The following PAX7 variants were observed in gnomAD, a reference collection of about 807,000 sequenced individuals.
The protein encoded by PAX7 is paired box 7.
Under a neutral mutation model 50.7 loss-of-function variants are expected in PAX7, and 18 were observed. The observed-to-expected ratio is 0.36, with a 90% CI of 0.25 to 0.53. The LOEUF (loss-of-function observed/expected upper bound fraction) is 0.53, where lower values mean the gene tolerates loss of function less well. Among genes scored for constraint, PAX7 ranks in the 20% least tolerant of loss-of-function variants. The pLI is 0.93. For synonymous variants in PAX7, 310 were observed against 290.4 expected, an observed-to-expected ratio of 1.07 and a Z score of -0.69; for missense variants, 644 against 702.9, an observed-to-expected ratio of 0.92 and a Z score of 0.95.
intron 6 of PAX7, 38 bp from the exon 7 acceptor site, chr1:18,703,056 G>A (rs1323024521): frequency 5.7e-6 from 9 of 1,582,812 alleles, no homozygotes; most frequent in Non-Finnish European, 7.8e-6. Context: ...TCCAGGATGA[G>A]GCCACTTGCT....
At chr1:18,716,577 G>A (rs1021900434) in intron 7 of PAX7, among the ~76,000 whole-genome samples, 1 of 147,522 alleles carries the variant, frequency 6.8e-6, no homozygotes, top group Non-Finnish European at 1.5e-5. Context: ...CTCCCTTCGC[G>A]CCCCATTTCC....
chr1:18,717,059 C>A (rs1393432939), intron 7 of PAX7, among the ~76,000 whole-genome samples: 2 of 152,016 alleles, frequency 1.3e-5, no homozygotes, highest in Non-Finnish European at 2.9e-5. Context: ...CCGTCGCCGC[C>A]GCGCCTTTGA....
At chr1:18,713,616 A>G (rs1570213305) in intron 7 of PAX7, among the ~76,000 whole-genome samples, 1 of 152,344 alleles carries the variant, frequency 6.6e-6, no homozygotes, top group Non-Finnish European at 1.5e-5. Flanking sequence ...TATACTTTGG[A>G]GAGACAATAC....
chr1:18,675,803 C>T (rs968704430), intron 4 of PAX7, among the ~76,000 whole-genome samples: 1 of 152,098 alleles, frequency 6.6e-6, no homozygotes, highest in Non-Finnish European at 1.5e-5. Context: ...GCTCTAAGTT[C>T]GAGTCTCTCT....
At position 18,655,358 on chromosome 1, in the gene PAX7, A is replaced by C. The variant is rs114691790; in HGVS notation, c.586+18987A>C. Among the ~76,000 whole-genome samples the C allele has an allele frequency of 1.8e-3, 273 of 152,340 alleles. 3 individuals carry two copies. Among genetic ancestry groups the C allele is most frequent in the African/African-American group, 6.3e-3 (260 of 41,584 alleles). On this transcript the variant is annotated intron_variant, in intron 4 of 8. Transcript: ENST00000420770. ...GCAATCAATATGCAAACAAGTGCCA[A>C]ACTGGGTTTGAATCAAATTTCTCAT...
At chr1:18,644,389 T>C (rs2088306226) in intron 4 of PAX7, among the ~76,000 whole-genome samples, 2 of 151,906 alleles carry the variant, frequency 1.3e-5, no homozygotes, top group Non-Finnish European at 2.9e-5. Context: ...TTTCCTTCCA[T>C]GAAAAAAGAG....
rs775122989 is a variant in PAX7, at chr1:18,735,632, G to C, written c.1156G>C (p.Val386Leu). 6.2e-7 allele frequency: 1 copy of C among 1,610,844 alleles called. No individual in the cohort carries two copies. Residue 386 changes from valine to leucine, a missense_variant and splice_region_variant, in exon 8 of 9, where the codon GTG becomes CTG. Transcript: ENST00000420770. This position sits in a 1 kb window ranked among gnomAD's most constrained non-coding sequence, Gnocchi z 4.0. ...GGCACTAATGGCCTTTTCCCCACAG[G>C]TGATGAGCATCTTGGGCAACCCCAG... Reference protein sequence around the residue: ...NPVSNGLSPQVMSILGNPSAV... With the variant: ...NPVSNGLSPQLMSILGNPSAV...
rs905671463 is a variant in PAX7 at position 18,631,173 on chromosome 1, C to G, written c.-431C>G. 4.2e-6 allele frequency: 1 copy of G among 236,646 alleles called. No individual in the cohort carries two copies. The highest frequency in any genetic ancestry group is 5.5e-5 in the Admixed American group (1 of 18,092). 14.7% of individuals were successfully genotyped at this position (236,646 alleles called of 1,614,324 possible). A position where few individuals can be genotyped will look rare whatever the true frequency, so the allele number is the denominator to read the frequency against. On this transcript the variant is annotated 5_prime_UTR_variant, in exon 1 of 9. Transcript: ENST00000420770. ...GGCCCCGAGCGCCAGAGCGCCAGAG[C>G]GCGAGAGCGCGGCGCTCGCCACTCT... is the stretch of plus-strand genomic sequence containing the variant.
intron 4 of PAX7, among the ~76,000 whole-genome samples, chr1:18,670,368 G>A (rs185238559): frequency 6.6e-6 from 1 of 152,138 alleles, no homozygotes; most frequent in South Asian, 2.1e-4. Context: ...AAGGAGTGGA[G>A]CATTGCAGGG....
intron 4 of PAX7, among the ~76,000 whole-genome samples, chr1:18,644,049 T>A (rs1167245939): frequency 6.6e-6 from 1 of 152,242 alleles, no homozygotes; most frequent in Non-Finnish European, 1.5e-5. Flanking sequence ...CCGCCCCTTC[T>A]AAGTTCTTGG....
intron 4 of PAX7, among the ~76,000 whole-genome samples, chr1:18,687,813 C>T (rs2088999223): frequency 6.6e-6 from 1 of 152,138 alleles, no homozygotes; most frequent in African/African-American, 2.4e-5. Context: ...TCTGTGGGCC[C>T]TGCTTGGCCT....
intron 4 of PAX7, among the ~76,000 whole-genome samples, chr1:18,650,030 A>C (rs781348793): frequency 1.3e-5 from 2 of 152,202 alleles, no homozygotes; most frequent in African/African-American, 4.8e-5. Flanking sequence ...GAGGGGAAGC[A>C]GTGAAAAAAC....
At position 18,691,753 on chromosome 1, in the gene PAX7, G is replaced by C; in HGVS notation, c.587-1G>C. ...TCTCCCTCCCTCTCCTCCGGCTGTA[G>C]GGAACCGGCTGGACGAGGGCTCGGA... On this transcript the variant is annotated splice_acceptor_variant, in intron 4 of 8. Transcript: ENST00000420770. LOFTEE classifies it high-confidence loss of function. 2 of 1,570,074 alleles carry C rather than the reference G, an allele frequency of 1.3e-6. No individual in the cohort carries two copies. Among genetic ancestry groups the C allele is most frequent in the Non-Finnish European group, 1.7e-6 (2 of 1,157,650 alleles).
rs769651150 is a variant in PAX7 at position 18,635,073 on chromosome 1, A to G, written c.322-38A>G. The stretch of plus-strand genomic sequence containing the variant: ...AAAAGTATTTTCCTCCCCCCATCCC[A>G]TCTTTCCACTCCTACTCTCCCACCT... On this transcript the variant is annotated intron_variant, in intron 2 of 8. Coordinates refer to ENST00000420770, the MANE Select transcript of PAX7 (RefSeq NM_001135254.2). 4 of 1,608,836 alleles carry G rather than the reference A, an allele frequency of 2.5e-6. No homozygotes were observed. The South Asian group carries it at 4.4e-5, about 18-fold the overall frequency.
chr1:18,684,852 G>T (rs1328973914), intron 4 of PAX7, among the ~76,000 whole-genome samples: 1 of 152,210 alleles, frequency 6.6e-6, no homozygotes, highest in African/African-American at 2.4e-5. Context: ...TTTCCGGAGG[G>T]TGTGAGGGAG....
Position 18,691,824 on chromosome 1 carries a change from C to G in PAX7, c.657C>G (p.Arg219=). 2 of 1,612,800 alleles carry G rather than the reference C, an allele frequency of 1.2e-6. No individual in the cohort carries two copies. Among genetic ancestry groups the G allele is most frequent in the Non-Finnish European group, 1.7e-6 (2 of 1,179,528 alleles). ...TCCCACTGAAGCGCAAGCAGCGACG[C>G]AGTCGGACCACATTCACGGCCGAGC... The part of the protein sequence containing the change: ...PDLPLKRKQR[R]SRTTFTAEQL... Residue 219 remains arginine (R), a synonymous_variant, in exon 5 of 9, where the codon CGC becomes CGG. Coordinates refer to ENST00000420770, the MANE Select transcript of PAX7 (RefSeq NM_001135254.2).
intron 4 of PAX7, among the ~76,000 whole-genome samples, chr1:18,637,778 C>T (rs966531693): frequency 8.5e-5 from 13 of 152,268 alleles, no homozygotes; most frequent in Non-Finnish European, 1.8e-4. Context: ...GAAGGGGCGG[C>T]CATTGACAGA....
At chr1:18,681,854 T>C (rs2088906621) in intron 4 of PAX7, among the ~76,000 whole-genome samples, 1 of 151,980 alleles carries the variant, frequency 6.6e-6, no homozygotes, top group Non-Finnish European at 1.5e-5. Context: ...CGGGTTCAAG[T>C]GATTCTTCTG....
In PAX7 at chr1:18,746,941, T is replaced by G. The variant is rs1051515803; in HGVS notation, c.*2012T>G. 2.6e-5 allele frequency: 6 copies of G among 231,448 alleles called. No homozygotes were observed. The highest frequency in any genetic ancestry group is 1.3e-4 in the African/African-American group (6 of 45,224). The allele number at this position is 231,448 out of a possible 1,614,324, so 14.3% of individuals were successfully genotyped here. On this transcript the variant is annotated 3_prime_UTR_variant, in exon 9 of 9. Coordinates refer to ENST00000420770, the MANE Select transcript of PAX7 (RefSeq NM_001135254.2). ...GGTAGCAGCAGACACATGTGATCCA[T>G]CAAGATCAACCAAGGTTGCAACTGG... is the stretch of plus-strand genomic sequence containing the variant.
Sources: gnomAD v4.1 joint callset for allele counts (sites outside exome capture counted in the v4.1 genomes callset) on GRCh38, gnomAD v4.1.1 for gene constraint, Gnocchi (gnomAD v3.1) non-coding constraint, MANE v1.5 for transcripts, NCBI Gene and HGNC (gene_info 2026-07-23, HGNC 2026-07-21) for gene names.